Variants in SLC35F3 observed in about 807,000 individuals in gnomAD.
SLC35F3 encodes solute carrier family 35 member F3, also known as putative thiamine transporter SLC35F3.
Under a neutral mutation model 49.9 loss-of-function variants are expected in SLC35F3, and 25 were observed. That is an observed-to-expected ratio of 0.50 (90% CI 0.37 to 0.70). SLC35F3 has a LOEUF of 0.70. Among genes scored for constraint, SLC35F3 ranks in the 30% least tolerant of loss-of-function variants. SLC35F3 has a pLI of 0.00. For missense variants in SLC35F3, 525 were observed against 639.8 expected, an observed-to-expected ratio of 0.82 and a Z score of 1.94; for synonymous variants, 275 against 265.4, an observed-to-expected ratio of 1.04 and a Z score of -0.35.
chr1:234,184,711 T>A lies in SLC35F3; in HGVS notation c.284-46706T>A, dbSNP rs559429796. Reference sequence around the variant, plus strand: ...TACATATTTGTTCCTCAAAGGGAACTGAGGACTCAGCTCCGCAGGCCATGG... The same window carrying A: ...TACATATTTGTTCCTCAAAGGGAACAGAGGACTCAGCTCCGCAGGCCATGG... On this transcript the variant is annotated intron_variant, in intron 2 of 7. Coordinates refer to ENST00000366618, the MANE Select transcript of SLC35F3 (RefSeq NM_173508.4). 2.0e-5 allele frequency among the ~76,000 whole-genome samples: 3 copies of A among 152,248 alleles called. No homozygotes were observed. In the South Asian group the frequency reaches 6.2e-4, roughly 32 times the overall value.
intron 2 of SLC35F3, among the ~76,000 whole-genome samples, chr1:234,011,104 C>T (rs551532007): frequency 6.6e-6 from 1 of 152,236 alleles, no homozygotes; most frequent in East Asian, 1.9e-4. Context: ...ACCCCAAACA[C>T]TTCTAATATT....
chr1:233,976,543 A>G (rs1406218644), intron 2 of SLC35F3, among the ~76,000 whole-genome samples: 1 of 152,070 alleles, frequency 6.6e-6, no homozygotes, highest in African/African-American at 2.4e-5. Context: ...TTTTATTGCT[A>G]TGTCATTTAA....
intron 2 of SLC35F3, among the ~76,000 whole-genome samples, chr1:234,087,024 A>G (rs1380279726): frequency 1.3e-5 from 2 of 152,244 alleles, no homozygotes; most frequent in African/African-American, 4.8e-5. Flanking sequence ...AGCCTGAGCT[A>G]TAAACCTGAC....
chr1:234,299,375 AG>A (rs1447591722), intron 3 of SLC35F3, among the ~76,000 whole-genome samples: 2 of 152,198 alleles, frequency 1.3e-5, no homozygotes, highest in African/African-American at 4.8e-5. Context: ...CTAAGAGTAA[AG>A]GGGGAAAAAC....
chr1:234,313,991 A>C (rs1657421352), intron 4 of SLC35F3, among the ~76,000 whole-genome samples: 1 of 152,202 alleles, frequency 6.6e-6, no homozygotes. Flanking sequence ...CAGGGTATTG[A>C]GAGTAAGGTA....
chr1:234,143,322 C>T (rs1304096179), intron 2 of SLC35F3, among the ~76,000 whole-genome samples: 1 of 140,106 alleles, frequency 7.1e-6, no homozygotes, highest in Non-Finnish European at 1.5e-5. Flanking sequence ...AAGGCTCACT[C>T]TTGTGGCCCA....
chr1:234,233,388 G>A (rs573712205), intron 3 of SLC35F3, among the ~76,000 whole-genome samples: 1 of 152,194 alleles, frequency 6.6e-6, no homozygotes, highest in Non-Finnish European at 1.5e-5. Flanking sequence ...GAGAGAAGAT[G>A]AAATTCTTCT....
chr1:234,163,224 T>C (rs963562983), intron 2 of SLC35F3, among the ~76,000 whole-genome samples: 2 of 152,258 alleles, frequency 1.3e-5, no homozygotes, highest in Non-Finnish European at 2.9e-5. Flanking sequence ...TTCCGCAAGG[T>C]ACATCATACA....
chr1:234,228,626 G>A (rs1667322537), intron 2 of SLC35F3, among the ~76,000 whole-genome samples: 1 of 152,136 alleles, frequency 6.6e-6, no homozygotes, highest in South Asian at 2.1e-4. Context: ...TATAAGTTAG[G>A]TTAAATAAAT....
chr1:234,039,619 T>TAC (rs1664191895), intron 2 of SLC35F3, among the ~76,000 whole-genome samples: 1 of 152,190 alleles, frequency 6.6e-6, no homozygotes, highest in African/African-American at 2.4e-5. Context: ...TGTTTCATCC[T>TAC]TGCTGGTGAC....
intron 3 of SLC35F3, among the ~76,000 whole-genome samples, chr1:234,303,560 A>G (rs1668725553): frequency 2.0e-5 from 3 of 152,218 alleles, no homozygotes; most frequent in South Asian, 2.1e-4. Flanking sequence ...TGAGGACTGC[A>G]TAGCTGAAAA....
At chr1:233,976,607 G>A (rs1017573993) in intron 2 of SLC35F3, among the ~76,000 whole-genome samples, 11 of 151,966 alleles carry the variant, frequency 7.2e-5, no homozygotes, top group Admixed American at 5.9e-4. Context: ...AGTATGGTTG[G>A]TACTCAATTT....
chr1:233,954,692 C>G (rs1662666744), intron 2 of SLC35F3, among the ~76,000 whole-genome samples: 1 of 152,214 alleles, frequency 6.6e-6, no homozygotes, highest in Admixed American at 6.5e-5. Flanking sequence ...CCCTTTTCCC[C>G]CCTGCTGAGA....
chr1:233,934,667 A>G (rs1662296093), intron 2 of SLC35F3, among the ~76,000 whole-genome samples: 1 of 152,142 alleles, frequency 6.6e-6, no homozygotes, highest in African/African-American at 2.4e-5. Context: ...TCTTTACTGC[A>G]TCTAGAGCAA....
intron 2 of SLC35F3, among the ~76,000 whole-genome samples, chr1:233,988,135 G>C (rs79592031): frequency 6.6e-6 from 1 of 152,116 alleles, no homozygotes. Flanking sequence ...CTGAGAACAC[G>C]AGTGGTATTT....
intron 2 of SLC35F3, among the ~76,000 whole-genome samples, chr1:234,133,094 T>C (rs1665758630): frequency 6.6e-6 from 1 of 152,232 alleles, no homozygotes; most frequent in Non-Finnish European, 1.5e-5. Flanking sequence ...TAATGCAGTA[T>C]GCCTGACTCT....
chr1:234,237,782 G>C (rs951061170), intron 3 of SLC35F3, among the ~76,000 whole-genome samples: 1 of 152,224 alleles, frequency 6.6e-6, no homozygotes, highest in Non-Finnish European at 1.5e-5. Context: ...GCAGTGACAA[G>C]AGCAAGTGGA....
At chr1:234,158,737 G>A (rs891986120) in intron 2 of SLC35F3, among the ~76,000 whole-genome samples, 1 of 152,160 alleles carries the variant, frequency 6.6e-6, no homozygotes, top group Non-Finnish European at 1.5e-5. Context: ...TATTTAAGAC[G>A]TTCCCTGTAT....
intron 3 of SLC35F3, among the ~76,000 whole-genome samples, chr1:234,234,718 C>A (rs879935159): frequency 7.9e-5 from 12 of 152,126 alleles, no homozygotes; most frequent in Non-Finnish European, 1.5e-4. Context: ...CCTCTTCAAG[C>A]CCTGGTCCTC....
Sources: gnomAD v4.1 joint callset for allele counts (sites outside exome capture counted in the v4.1 genomes callset) on GRCh38, gnomAD v4.1.1 for gene constraint, MANE v1.5 for transcripts, NCBI Gene and HGNC (gene_info 2026-07-23, HGNC 2026-07-21) for gene names.